HDLBP: variants seen among roughly 807,000 people sequenced by gnomAD.
HDLBP encodes vigilin.
HDLBP carries 30 observed loss-of-function variants against 137.3 expected under a neutral mutation model. The ratio of observed to expected loss-of-function variants is 0.22; its 90% CI spans 0.16 to 0.30. HDLBP has a LOEUF of 0.30. Ranked by LOEUF, HDLBP falls within the 10% of genes least tolerant of loss-of-function variation. The probability of loss-of-function intolerance (pLI) is 1.00; values close to 1 mark genes in which losing one functional copy is unlikely to be tolerated. For missense variants in HDLBP, 1,119 were observed against 1,667.3 expected (o/e 0.67, Z 5.73); for synonymous variants, 606 against 596.0 (o/e 1.02, Z -0.24).
At chr2:241,285,256 G>C (rs1413337031) in intron 1 of HDLBP, among the ~76,000 whole-genome samples, 1 of 152,220 alleles carries the variant, frequency 6.6e-6, no homozygotes, top group African/African-American at 2.4e-5. Flanking sequence ...ACTGGGAAAC[G>C]TAAAACTCAT....
chr2:241,315,651 T>G lies in HDLBP; in HGVS notation c.-184A>C, dbSNP rs892132935. 3 of 152,282 alleles carry G rather than the reference T, an allele frequency of 2.0e-5. No homozygotes were observed. The highest frequency in any genetic ancestry group is 4.4e-5 in the Non-Finnish European group (3 of 68,212). The allele number at this position is 152,282 out of a possible 1,614,324, so 9.4% of individuals were successfully genotyped here. On this transcript the variant is annotated 5_prime_UTR_variant, in exon 1 of 28. Transcript: ENST00000310931. ...AAACAGGGACAAGCCGCCATCTTGG[T>G]AAAGGAGAAGAGGCTACGCTTGACC...
In HDLBP at chr2:241,238,803, C is replaced by A. The variant is rs1559485183; in HGVS notation, c.2611-16G>T. On this transcript the variant is annotated splice_polypyrimidine_tract_variant and intron_variant, in intron 19 of 27. Transcript: ENST00000310931. The surrounding 1 kb of genome is among the most constrained non-coding windows in gnomAD (Gnocchi z 4.9). ...CCTGAGCTTCCTGGAGGGAGGTACACAAAGAAAAAAGAAAAGAGCAAAGAT... is the reference window on the plus strand; with the variant it reads ...CCTGAGCTTCCTGGAGGGAGGTACAAAAAGAAAAAAGAAAAGAGCAAAGAT... 5 of 1,468,340 alleles carry A rather than the reference C, an allele frequency of 3.4e-6. No homozygotes were observed. The highest frequency in any genetic ancestry group is 2.3e-5 in the Admixed American group (1 of 43,684). The allele number at this position is 1,468,340 out of a possible 1,614,324, so 91.0% of individuals were successfully genotyped here.
intron 1 of HDLBP, among the ~76,000 whole-genome samples, chr2:241,285,607 T>C (rs1254138665): frequency 6.6e-6 from 1 of 152,210 alleles, no homozygotes; most frequent in Non-Finnish European, 1.5e-5. Context: ...CTCAAACCTG[T>C]TTATGCCAGT....
chr2:241,300,912 T>G (rs1235167880), intron 1 of HDLBP, among the ~76,000 whole-genome samples: 1 of 151,792 alleles, frequency 6.6e-6, no homozygotes, highest in Non-Finnish European at 1.5e-5. Flanking sequence ...AAGAAAAAAA[T>G]TGTATTCTTC....
At chr2:241,251,932 A>G (rs1267335208) in intron 11 of HDLBP, among the ~76,000 whole-genome samples, 12 of 152,148 alleles carry the variant, frequency 7.9e-5, no homozygotes, top group Non-Finnish European at 1.8e-4. Flanking sequence ...AACTGAGATC[A>G]CGCCACTGCA....
At chr2:241,259,047 G>C (rs1420962085) in intron 5 of HDLBP, among the ~76,000 whole-genome samples, 1 of 152,186 alleles carries the variant, frequency 6.6e-6, no homozygotes, top group East Asian at 1.9e-4. Context: ...ATTTGTAACA[G>C]CTAAAGTCTG....
intron 5 of HDLBP, 29 bp from the exon 6 acceptor site, chr2:241,256,835 A>G (rs71430322): frequency 6.3e-7 from 1 of 1,587,300 alleles, no homozygotes; most frequent in African/African-American, 1.3e-5. Context: ...AAAAGAAAAC[A>G]AGAATATTTG....
intron 1 of HDLBP, among the ~76,000 whole-genome samples, chr2:241,280,241 AAACT>A (rs1353706152): frequency 2.4e-4 from 37 of 152,370 alleles, no homozygotes; most frequent in African/African-American, 7.9e-4. Context: ...TTATTAGCAC[AAACT>A]AATTTTATAA....
chr2:241,304,696 C>T (rs895907238), intron 1 of HDLBP, among the ~76,000 whole-genome samples: 21 of 152,184 alleles, frequency 1.4e-4, no homozygotes, highest in African/African-American at 4.6e-4. Context: ...ATTTCAGCAC[C>T]GAATACCTAT....
At chr2:241,241,470 G>C (rs571147312) in intron 17 of HDLBP, among the ~76,000 whole-genome samples, 1 of 150,408 alleles carries the variant, frequency 6.6e-6, no homozygotes, top group East Asian at 2.0e-4. Flanking sequence ...GGGAGGCTGA[G>C]GCAGGAGAAT....
intron 20 of HDLBP, among the ~76,000 whole-genome samples, chr2:241,237,929 G>A (rs576967403): frequency 6.6e-6 from 1 of 152,230 alleles, no homozygotes; most frequent in Non-Finnish European, 1.5e-5. Flanking sequence ...GAATGGCTGT[G>A]TGTGACATGC....
intron 5 of HDLBP, among the ~76,000 whole-genome samples, chr2:241,258,609 T>C (rs1038515591): frequency 7.9e-5 from 12 of 152,038 alleles, no homozygotes; most frequent in African/African-American, 2.9e-4. Context: ...CTATTTGCAA[T>C]AAATTCCAAA....
At chr2:241,292,317 T>C (rs1439770430) in intron 1 of HDLBP, among the ~76,000 whole-genome samples, 1 of 152,102 alleles carries the variant, frequency 6.6e-6, no homozygotes, top group Non-Finnish European at 1.5e-5. Context: ...CCTGGGACGT[T>C]CCACAGCACA....
At chr2:241,241,431 G>T (rs900270513) in intron 17 of HDLBP, among the ~76,000 whole-genome samples, 1 of 151,848 alleles carries the variant, frequency 6.6e-6, no homozygotes, top group South Asian at 2.1e-4. Flanking sequence ...GCTGGGTGAG[G>T]TGTCGGGCGC....
At position 241,263,913 on chromosome 2, in the gene HDLBP, C is replaced by T. The variant is rs923766175; in HGVS notation, c.234+535G>A. Among the ~76,000 whole-genome samples the T allele has an allele frequency of 3.9e-5, 6 of 152,022 alleles. No homozygotes were observed. In the South Asian group the frequency reaches 8.3e-4, roughly 21 times the overall value. The stretch of plus-strand genomic sequence containing the variant: ...ACAGGGTGGACATGAGAGAAGTGGT[C>T]GACAGAAACATCTCTGGGGTGGGGG... On this transcript the variant is annotated intron_variant, in intron 4 of 27. Transcript: ENST00000310931.
chr2:241,247,683 A>G (rs1346130173), intron 14 of HDLBP, among the ~76,000 whole-genome samples: 3 of 152,214 alleles, frequency 2.0e-5, no homozygotes, highest in Admixed American at 6.5e-5. Context: ...TATACCTCTT[A>G]TCTTACTGGA....
At position 241,239,786 on chromosome 2, in the gene HDLBP, G is replaced by C. The variant is rs754362167; in HGVS notation, c.2426C>G (p.Pro809Arg). 9 of 1,613,970 alleles carry C rather than the reference G, an allele frequency of 5.6e-6. No individual in the cohort carries two copies. Among genetic ancestry groups the C allele is most frequent in the Non-Finnish European group, 7.6e-6 (9 of 1,180,000 alleles). The change falls in exon 19 of 28, where the codon CCC (proline) becomes CGC (arginine). Residue 809 changes from proline (P) to arginine (R), a missense_variant. Physicochemically the swap from Pro to Arg is moderately radical, Grantham distance 103. Transcript: ENST00000310931. This position sits in a 1 kb window ranked among gnomAD's most constrained non-coding sequence, Gnocchi z 4.6. ...NVVEDSMLVD[P>R]KHHRHFVIRR... ...GATGACGAAGTGGCGGTGGTGCTTGGGGTCCACCAGCATGGAGTCTTCCAC... is the reference window on the plus strand; with the variant it reads ...GATGACGAAGTGGCGGTGGTGCTTGCGGTCCACCAGCATGGAGTCTTCCAC...
At chr2:241,307,087 C>G (rs1264728448) in intron 1 of HDLBP, among the ~76,000 whole-genome samples, 5 of 110,816 alleles carry the variant, frequency 4.5e-5, no homozygotes, top group Admixed American at 2.1e-4. Context: ...GCGGGGGGGA[C>G]AGGGGGGCAG....
chr2:241,303,960 C>G (rs2075478823), intron 1 of HDLBP, among the ~76,000 whole-genome samples: 1 of 152,138 alleles, frequency 6.6e-6, no homozygotes, highest in South Asian at 2.1e-4. Context: ...AAAGGCACAC[C>G]ACCAGGTCCA....
Sources: allele counts gnomAD v4.1 joint callset (sites outside exome capture counted in the v4.1 genomes callset), GRCh38; gene constraint gnomAD v4.1.1; non-coding constraint Gnocchi (gnomAD v3.1); transcripts MANE v1.5; gene names NCBI Gene and HGNC (gene_info 2026-07-23, HGNC 2026-07-21).